TENM1: variants seen among roughly 807,000 people sequenced by gnomAD.
The protein encoded by TENM1 is teneurin transmembrane protein 1.
TENM1 carries 35 observed loss-of-function variants against 174.8 expected under a neutral mutation model. That is an observed-to-expected ratio of 0.20 (90% CI 0.15 to 0.27). TENM1 has a LOEUF of 0.27. Among genes scored for constraint, TENM1 ranks in the 10% least tolerant of loss-of-function variants. The pLI is 1.00. For synonymous variants in TENM1, 781 were observed against 798.7 expected (o/e 0.98, Z 0.37); for missense variants, 1,633 against 2,130.1 (o/e 0.77, Z 4.59).
chrX:125,054,951 C>T, the TENM1 span, among the ~76,000 whole-genome samples: 1 of 111,721 alleles, frequency 9.0e-6, no homozygotes, highest in African/African-American at 3.3e-5. Context: ...CAAAATATAT[C>T]AGCATAAAAG....
At chrX:124,568,223 C>T (rs149116742) in intron 11 of TENM1, among the ~76,000 whole-genome samples, 1,986 of 111,368 alleles carry the variant, frequency 0.018, 27 homozygotes, top group Non-Finnish European at 0.03. Context: ...AGTTATTATA[C>T]CCAATTACGA....
chrX:124,668,754 A>G (rs1367198048), intron 6 of TENM1, among the ~76,000 whole-genome samples: 3 of 111,206 alleles, frequency 2.7e-5, no homozygotes, highest in Non-Finnish European at 5.7e-5. Context: ...ATGTTAAATG[A>G]CGAGTTAATG....
At chrX:124,545,482 C>A (rs894060962) in intron 15 of TENM1, among the ~76,000 whole-genome samples, 1 of 112,151 alleles carries the variant, frequency 8.9e-6, no homozygotes, top group Non-Finnish European at 1.9e-5. Flanking sequence ...TCATTTAACA[C>A]TTCTCCATGT....
chrX:124,451,631 G>C (rs2147841844), intron 23 of TENM1, among the ~76,000 whole-genome samples: 1 of 111,979 alleles, frequency 8.9e-6, no homozygotes, highest in East Asian at 2.8e-4. Flanking sequence ...ATACTACAAG[G>C]CTTCAGTAAC....
intron 11 of TENM1, among the ~76,000 whole-genome samples, chrX:124,566,283 C>G (rs1043319900): frequency 5.3e-5 from 6 of 112,150 alleles, no homozygotes; most frequent in Non-Finnish European, 1.1e-4. Context: ...ATAAAATTAA[C>G]CCTGGTTGAT....
At chrX:125,027,258 A>G in the TENM1 span, among the ~76,000 whole-genome samples, 2 of 111,723 alleles carry the variant, frequency 1.8e-5, no homozygotes, top group Admixed American at 9.5e-5. Flanking sequence ...AAACTTCTAT[A>G]TGAGTAATAA....
the TENM1 span, among the ~76,000 whole-genome samples, chrX:125,098,026 G>A: frequency 5.8e-3 from 656 of 112,378 alleles, 3 homozygotes; most frequent in African/African-American, 0.019. Context: ...CACTTTGGGA[G>A]GCGGAGGCAG....
the TENM1 span, among the ~76,000 whole-genome samples, chrX:125,094,169 T>C: frequency 7.1e-5 from 8 of 112,238 alleles, no homozygotes; most frequent in Non-Finnish European, 1.3e-4. Context: ...CTGCTGACTG[T>C]CTGATATCAT....
chrX:124,386,102 A>G (rs756822648), intron 28 of TENM1, 38 bp from the exon 32 acceptor site: 19 of 1,128,186 alleles, frequency 1.7e-5, no homozygotes, highest in Non-Finnish European at 2.2e-5. Flanking sequence ...TATTATGGAC[A>G]ACTAAAGTTG....
the TENM1 span, among the ~76,000 whole-genome samples, chrX:124,970,330 A>G: frequency 3.8e-3 from 428 of 111,922 alleles, no homozygotes; most frequent in Non-Finnish European, 6.0e-3. Context: ...TACATAGAAC[A>G]TTGCCTAAGG....
intron 3 of TENM1, among the ~76,000 whole-genome samples, chrX:124,801,539 A>C (rs1034299547): frequency 5.4e-5 from 6 of 111,602 alleles, no homozygotes; most frequent in Non-Finnish European, 9.4e-5. Flanking sequence ...CTCTTTATCC[A>C]ATTTGCCAGT....
the TENM1 span, among the ~76,000 whole-genome samples, chrX:124,986,025 A>C: frequency 8.9e-6 from 1 of 112,008 alleles, no homozygotes; most frequent in African/African-American, 3.2e-5. Context: ...ACAAGCTGAC[A>C]CACAGGGAAA....
At chrX:124,898,581 T>A (rs749446824) in intron 1 of TENM1, among the ~76,000 whole-genome samples, 50 of 110,130 alleles carry the variant, frequency 4.5e-4, no homozygotes, top group Admixed American at 1.3e-3. Context: ...AATATGAGCA[T>A]CTGAGTCATG....
In TENM1 at chrX:124,729,392, T is replaced by C. The variant is rs181349892; in HGVS notation, c.776+7565A>G. ...CCCCATGAGGTAGGGTCTGTCATTT[T>C]TGACACAAAACAAACAGGGAAATTC... is the stretch of plus-strand genomic sequence containing the variant. On this transcript the variant is annotated intron_variant, in intron 4 of 31. Transcript: ENST00000422452. Among the ~76,000 whole-genome samples, 39 of 112,536 alleles carry C rather than the reference T, an allele frequency of 3.5e-4. No homozygotes were observed. The East Asian group carries it at 4.2e-3, about 12-fold the overall frequency.
chrX:125,173,118 CACA>C, the TENM1 span, among the ~76,000 whole-genome samples: 2 of 111,585 alleles, frequency 1.8e-5, no homozygotes, highest in Non-Finnish European at 3.8e-5. Flanking sequence ...TCATCTCAAA[CACA>C]ACACTTTAAG....
chrX:124,944,243 A>AT (rs67367742), intron 1 of TENM1, among the ~76,000 whole-genome samples: 2 of 111,051 alleles, frequency 1.8e-5, no homozygotes, highest in Non-Finnish European at 3.8e-5. Flanking sequence ...TTACCAGCTA[A>AT]TTTTTTTTAT....
chrX:124,422,672 A>T (rs758582861), intron 23 of TENM1, 34 bp from the exon 27 acceptor site: 2 of 1,172,775 alleles, frequency 1.7e-6, no homozygotes, highest in Admixed American at 4.7e-5. Context: ...CCATTAGGTT[A>T]CCATGTCTTT....
chrX:124,662,893 G>A lies in TENM1; in HGVS notation c.1168+8790C>T, dbSNP rs187628481. Reference sequence around the variant, plus strand: ...GTTTCTTCCAGCTCTCCTATGTAACGGGAATCTGCTCAAGGGCAAGCACTA... The same window carrying A: ...GTTTCTTCCAGCTCTCCTATGTAACAGGAATCTGCTCAAGGGCAAGCACTA... On this transcript the variant is annotated intron_variant, in intron 6 of 31. Transcript: ENST00000422452. 5.4e-5 allele frequency among the ~76,000 whole-genome samples: 6 copies of A among 112,045 alleles called. No individual in the cohort carries two copies. The East Asian group carries it at 1.1e-3, about 21-fold the overall frequency.
At chrX:125,020,197 A>G in the TENM1 span, among the ~76,000 whole-genome samples, 3 of 111,201 alleles carry the variant, frequency 2.7e-5, no homozygotes, top group East Asian at 2.8e-4. Flanking sequence ...CCTACCTGAA[A>G]TTATTTTTTA....
Sources: allele counts gnomAD v4.1 joint callset (sites outside exome capture counted in the v4.1 genomes callset), GRCh38; gene constraint gnomAD v4.1.1; transcripts MANE v1.5; gene names NCBI Gene and HGNC (gene_info 2026-07-23, HGNC 2026-07-21).